Variants in ARHGEF3 observed in about 807,000 individuals in gnomAD.
The protein encoded by ARHGEF3 is Rho guanine nucleotide exchange factor 3, also known as 59.8 kDA protein.
ARHGEF3 carries 28 observed loss-of-function variants against 63.2 expected under a neutral mutation model. That is an observed-to-expected ratio of 0.44 (90% CI 0.33 to 0.61). ARHGEF3 has a LOEUF of 0.61. Among genes scored for constraint, ARHGEF3 ranks in the 20% least tolerant of loss-of-function variants. The pLI is 0.03. For synonymous variants in ARHGEF3, 266 were observed against 254.2 expected, an observed-to-expected ratio of 1.05 and a Z score of -0.44; for missense variants, 533 against 659.3, an observed-to-expected ratio of 0.81 and a Z score of 2.10.
At chr3:57,055,664 C>T (rs1223001359) in intron 1 of ARHGEF3, among the ~76,000 whole-genome samples, 1 of 152,018 alleles carries the variant, frequency 6.6e-6, no homozygotes, top group Admixed American at 6.6e-5. Flanking sequence ...TCAGCTATGA[C>T]CACAAACCAG....
intron 4 of ARHGEF3, among the ~76,000 whole-genome samples, chr3:56,843,537 G>A (rs2039386594): frequency 1.3e-5 from 2 of 152,172 alleles, no homozygotes; most frequent in South Asian, 4.2e-4. Flanking sequence ...AAAGTGCTAG[G>A]ATCACAGGTG....
chr3:56,859,804 C>G (rs2040007108), intron 4 of ARHGEF3, among the ~76,000 whole-genome samples: 1 of 151,566 alleles, frequency 6.6e-6, no homozygotes. Context: ...TCCCAAAGTG[C>G]TGGGGTTACA....
intron 1 of ARHGEF3, among the ~76,000 whole-genome samples, chr3:57,068,854 A>G (rs1705713226): frequency 6.6e-6 from 1 of 152,102 alleles, no homozygotes; most frequent in Non-Finnish European, 1.5e-5. Context: ...GGATGGAAAC[A>G]AAATCCCTAT....
rs114352846 is a variant in ARHGEF3 at position 56,828,478 on chromosome 3, G to A, written c.192+53814C>T. Among the ~76,000 whole-genome samples the A allele has an allele frequency of 4.0e-3, 616 of 152,204 alleles. 4 individuals are homozygous for A. Among genetic ancestry groups the A allele is most frequent in the African/African-American group, 0.014 (588 of 41,528 alleles). On this transcript the variant is annotated intron_variant, in intron 4 of 12. Transcript: ENST00000338458. ...GAACCTGGGAGGCAGAGTTTGCAGC[G>A]GGCCAAGACTGCGCCACTGGACTCT...
At chr3:56,762,964 GGA>G (rs1229249216) in intron 2 of ARHGEF3, among the ~76,000 whole-genome samples, 1 of 152,158 alleles carries the variant, frequency 6.6e-6, no homozygotes, top group Non-Finnish European at 1.5e-5. Flanking sequence ...GCTAATCCTA[GGA>G]GAGGATGAGT....
At chr3:56,986,493 G>A (rs1701542718) in intron 2 of ARHGEF3, among the ~76,000 whole-genome samples, 1 of 152,196 alleles carries the variant, frequency 6.6e-6, no homozygotes, top group Admixed American at 6.5e-5. Flanking sequence ...GGCATGGCTG[G>A]GGTGACCAAA....
intron 4 of ARHGEF3, among the ~76,000 whole-genome samples, chr3:56,830,787 GT>G (rs1267053551): frequency 2.6e-5 from 4 of 152,140 alleles, no homozygotes; most frequent in Non-Finnish European, 5.9e-5. Context: ...TGTGCCGGCT[GT>G]TTCCTCTGCC....
intron 2 of ARHGEF3, among the ~76,000 whole-genome samples, chr3:56,760,513 T>C (rs1211761587): frequency 6.6e-6 from 1 of 152,186 alleles, no homozygotes; most frequent in Non-Finnish European, 1.5e-5. Context: ...CTCAGGGTAC[T>C]ATGGGGGATA....
At chr3:56,785,523 G>A (rs1001933122) in intron 1 of ARHGEF3, among the ~76,000 whole-genome samples, 7 of 152,260 alleles carry the variant, frequency 4.6e-5, no homozygotes, top group Non-Finnish European at 7.4e-5. Context: ...AACCCATGTC[G>A]GATGTGCAAG....
At chr3:56,830,105 G>A (rs1294858243) in intron 4 of ARHGEF3, among the ~76,000 whole-genome samples, 1 of 152,148 alleles carries the variant, frequency 6.6e-6, no homozygotes, top group African/African-American at 2.4e-5. Context: ...GCAGAGCTGG[G>A]GTTTCAATAC....
At chr3:56,947,212 G>C (rs905126797) in intron 3 of ARHGEF3, among the ~76,000 whole-genome samples, 12 of 152,176 alleles carry the variant, frequency 7.9e-5, no homozygotes, top group Non-Finnish European at 1.5e-4. Context: ...GGAAGAAACT[G>C]CATCAACTAA....
At chr3:56,968,341 A>AT (rs1700757468) in intron 2 of ARHGEF3, among the ~76,000 whole-genome samples, 1 of 101,888 alleles carries the variant, frequency 9.8e-6, no homozygotes, top group Non-Finnish European at 1.9e-5. Flanking sequence ...TATAATATAT[A>AT]ATATATATAT....
chr3:56,876,770 C>T (rs1378617180), intron 4 of ARHGEF3, among the ~76,000 whole-genome samples: 1 of 152,208 alleles, frequency 6.6e-6, no homozygotes, highest in African/African-American at 2.4e-5. Flanking sequence ...GAAAGCCCCA[C>T]CAGCATAGAA....
Position 56,873,327 on chromosome 3 carries a change from A to C in ARHGEF3, c.192+8965T>G, listed in dbSNP as rs1285508429. ...TTGTAGAGATTATTTCATCACCCAAATATTAAGCCTAGCACCCATTAGTTG... is the reference window on the plus strand; with the variant it reads ...TTGTAGAGATTATTTCATCACCCAACTATTAAGCCTAGCACCCATTAGTTG... On this transcript the variant is annotated intron_variant, in intron 4 of 12. Coordinates refer to the ARHGEF3 transcript ENST00000338458. Among the ~76,000 whole-genome samples, 4 of 151,834 alleles carry C rather than the reference A, an allele frequency of 2.6e-5. No individual in the cohort carries two copies. The East Asian group carries it at 7.7e-4, about 29-fold the overall frequency.
At chr3:56,990,214 G>A (rs1397519683) in intron 2 of ARHGEF3, among the ~76,000 whole-genome samples, 1 of 152,234 alleles carries the variant, frequency 6.6e-6, no homozygotes, top group Admixed American at 6.5e-5. Context: ...TGGGGTAGAA[G>A]AGGAAAGTCT....
chr3:56,959,472 G>A (rs1284089747), intron 2 of ARHGEF3, among the ~76,000 whole-genome samples: 1 of 152,156 alleles, frequency 6.6e-6, no homozygotes, highest in African/African-American at 2.4e-5. Flanking sequence ...GAGACTCCAG[G>A]CACACCAGAA....
At chr3:56,859,219 G>T (rs1272756860) in intron 4 of ARHGEF3, among the ~76,000 whole-genome samples, 1 of 150,700 alleles carries the variant, frequency 6.6e-6, no homozygotes, top group Non-Finnish European at 1.5e-5. Flanking sequence ...CTCACTGCAA[G>T]CTCTGCCTCC....
chr3:56,814,009 A>G (rs1260286446), intron 4 of ARHGEF3, among the ~76,000 whole-genome samples: 1 of 152,206 alleles, frequency 6.6e-6, no homozygotes, highest in East Asian at 1.9e-4. Context: ...CTTCCCCCAA[A>G]TTAATTCTCA....
chr3:57,046,689 TAA>T (rs1704468191), intron 1 of ARHGEF3, among the ~76,000 whole-genome samples: 1 of 152,118 alleles, frequency 6.6e-6, no homozygotes, highest in African/African-American at 2.4e-5. Flanking sequence ...GCACTGCAGG[TAA>T]AGTTGGTGGT....
Sources: gnomAD v4.1 joint callset for allele counts (sites outside exome capture counted in the v4.1 genomes callset) on GRCh38, gnomAD v4.1.1 for gene constraint, MANE v1.5 for transcripts, NCBI Gene and HGNC (gene_info 2026-07-23, HGNC 2026-07-21) for gene names.